SRBD1: variants seen among roughly 807,000 people sequenced by gnomAD.
SRBD1 encodes the protein S1 RNA-binding domain-containing protein 1.
Under a neutral mutation model 115.3 loss-of-function variants are expected in SRBD1, and 88 were observed. The observed-to-expected ratio is 0.76, with a 90% CI of 0.64 to 0.91. SRBD1 has a LOEUF of 0.91. Ranked by LOEUF, SRBD1 falls within the 40% of genes least tolerant of loss-of-function variation. The pLI is 0.00. For synonymous variants in SRBD1, 509 were observed against 407.7 expected (o/e 1.25, Z -2.99); for missense variants, 1,385 against 1,177.4 (o/e 1.18, Z -2.58).
chr2:45,581,616 G>A (rs992639708), intron 6 of SRBD1, 77 bp downstream of exon 6: 4 of 988,348 alleles, frequency 4.0e-6, no homozygotes, highest in Non-Finnish European at 4.6e-6. Flanking sequence ...TTTATTTCTT[G>A]GTGTTCTTTA....
At chr2:45,454,273 G>A (rs768440272) in intron 16 of SRBD1, among the ~76,000 whole-genome samples, 23 of 151,844 alleles carry the variant, frequency 1.5e-4, no homozygotes, top group African/African-American at 3.1e-4. Context: ...ATGACTGGGA[G>A]CATGATTCAC....
At chr2:45,568,406 T>G (rs1481391757) in intron 9 of SRBD1, among the ~76,000 whole-genome samples, 2 of 152,182 alleles carry the variant, frequency 1.3e-5, no homozygotes, top group Non-Finnish European at 2.9e-5. Flanking sequence ...AAAGTAAGGT[T>G]CAGATTTAGG....
chr2:45,557,500 T>G (rs1414496751), intron 10 of SRBD1, among the ~76,000 whole-genome samples: 1 of 152,200 alleles, frequency 6.6e-6, no homozygotes, highest in African/African-American at 2.4e-5. Flanking sequence ...CTCCCCTTCC[T>G]GGAACAGAGA....
intron 14 of SRBD1, among the ~76,000 whole-genome samples, chr2:45,495,267 GT>G (rs1307002010): frequency 6.6e-6 from 1 of 152,172 alleles, no homozygotes; most frequent in African/African-American, 2.4e-5. Flanking sequence ...GGATTTTGGG[GT>G]TCCAAACTTC....
At chr2:45,535,477 G>A (rs1438993542) in intron 14 of SRBD1, among the ~76,000 whole-genome samples, 2 of 151,740 alleles carry the variant, frequency 1.3e-5, no homozygotes, top group Admixed American at 1.3e-4. Context: ...ATTACACTCA[G>A]TCATCTATAC....
At chr2:45,491,309 C>T (rs765648806) in intron 14 of SRBD1, among the ~76,000 whole-genome samples, 3 of 152,172 alleles carry the variant, frequency 2.0e-5, no homozygotes, top group East Asian at 1.9e-4. Flanking sequence ...ATATATCTAA[C>T]GATTTAATAT....
chr2:45,577,267 A>T (rs1673208136), intron 7 of SRBD1, among the ~76,000 whole-genome samples: 1 of 152,210 alleles, frequency 6.6e-6, no homozygotes, highest in Admixed American at 6.5e-5. Context: ...GTTTTGAAAA[A>T]GCTCCTTTCC....
chr2:45,501,143 T>C (rs558304247), intron 14 of SRBD1, among the ~76,000 whole-genome samples: 2 of 152,344 alleles, frequency 1.3e-5, no homozygotes, highest in South Asian at 4.1e-4. Flanking sequence ...AATGATCATA[T>C]GGTTTTTGTC....
chr2:45,536,787 G>C lies in SRBD1; in HGVS notation c.1874+9945C>G, dbSNP rs1011839926. 2.9e-4 allele frequency among the ~76,000 whole-genome samples: 44 copies of C among 152,088 alleles called. 1 individual carries two copies. The highest frequency in any genetic ancestry group is 1.5e-5 in the Non-Finnish European group (1 of 68,000). On this transcript the variant is annotated intron_variant, in intron 14 of 20. Coordinates refer to ENST00000263736, the MANE Select transcript of SRBD1 (RefSeq NM_018079.5). ...GGATCTTTTGCAATTGTATAAGGTA[G>C]TCTGAATTTTATTTCTAAAAGCTTT...
intron 4 of SRBD1, among the ~76,000 whole-genome samples, chr2:45,592,592 C>T (rs1270329310): frequency 6.6e-6 from 1 of 152,138 alleles, no homozygotes; most frequent in Non-Finnish European, 1.5e-5. Flanking sequence ...GCCCCTCAGT[C>T]GAATTCTTTG....
At chr2:45,535,337 T>C (rs1572745503) in intron 14 of SRBD1, among the ~76,000 whole-genome samples, 1 of 151,978 alleles carries the variant, frequency 6.6e-6, no homozygotes, top group Non-Finnish European at 1.5e-5. Context: ...ATGAAATAGG[T>C]TAAGACCAAA....
intron 19 of SRBD1, among the ~76,000 whole-genome samples, chr2:45,394,331 C>T (rs1421252956): frequency 6.6e-6 from 1 of 152,142 alleles, no homozygotes; most frequent in African/African-American, 2.4e-5. Context: ...GAATACTGGG[C>T]TGTAGCTTAC....
At chr2:45,571,517 CAAAAA>C (rs58100763) in intron 9 of SRBD1, among the ~76,000 whole-genome samples, 20 of 39,408 alleles carry the variant, frequency 5.1e-4, no homozygotes, top group East Asian at 4.7e-3. Context: ...CAGACTTTAC[CAAAAA>C]AAAAAAAAAA....
chr2:45,519,524 C>T (rs1396763837), intron 14 of SRBD1, among the ~76,000 whole-genome samples: 5 of 152,290 alleles, frequency 3.3e-5, no homozygotes, highest in Admixed American at 3.3e-4. Flanking sequence ...CTCCTGTGTC[C>T]TCCAAAGGTG....
chr2:45,550,257 T>C (rs28886634), intron 12 of SRBD1, among the ~76,000 whole-genome samples: 78,623 of 151,812 alleles, frequency 0.52, 20,810 homozygotes, highest in African/African-American at 0.56. Flanking sequence ...ATAATATGTA[T>C]GTAATTGGAG....
intron 19 of SRBD1, among the ~76,000 whole-genome samples, chr2:45,399,627 C>T (rs185501918): frequency 3.9e-5 from 6 of 152,048 alleles, no homozygotes; most frequent in African/African-American, 7.2e-5. Context: ...CTTTTACTTT[C>T]GGAGATTTTC....
At chr2:45,575,286 T>C (rs1673142487) in intron 7 of SRBD1, among the ~76,000 whole-genome samples, 1 of 152,252 alleles carries the variant, frequency 6.6e-6, no homozygotes, top group South Asian at 2.1e-4. Flanking sequence ...TTTCATGCAG[T>C]TGTTCCTCTT....
chr2:45,585,801 TA>T, intron 4 of SRBD1, 27 bp from the exon 5 acceptor site: 1 of 1,544,572 alleles, frequency 6.5e-7, no homozygotes. Context: ...CTTAGTGATT[TA>T]AAATGCTGAA....
At chr2:45,610,162 A>G (rs929976579) in intron 1 of SRBD1, among the ~76,000 whole-genome samples, 5 of 152,204 alleles carry the variant, frequency 3.3e-5, no homozygotes, top group Non-Finnish European at 7.3e-5. Flanking sequence ...TTCCAAACCA[A>G]TAATTTGGAG....
Sources: allele counts gnomAD v4.1 joint callset (sites outside exome capture counted in the v4.1 genomes callset), GRCh38; gene constraint gnomAD v4.1.1; transcripts MANE v1.5; gene names NCBI Gene and HGNC (gene_info 2026-07-23, HGNC 2026-07-21).